The following FGF12 variants were observed in gnomAD, a reference collection of about 807,000 sequenced individuals.
The protein encoded by FGF12 is fibroblast growth factor 12.
A neutral mutation model predicts 23.6 loss-of-function variants in FGF12; 14 were observed. That is an observed-to-expected ratio of 0.59 (90% CI 0.39 to 0.93). FGF12 has a LOEUF of 0.93. Among genes scored for constraint, FGF12 ranks in the 40% least tolerant of loss-of-function variants. FGF12 has a pLI of 0.00. For synonymous variants in FGF12, 62 were observed against 77.3 expected (o/e 0.80, Z 1.04); for missense variants, 175 against 217.8 (o/e 0.80, Z 1.24).
Position 192,711,483 on chromosome 3 carries a change from A to G in FGF12, c.13+15698T>C, listed in dbSNP as rs564584400. ...TCATTGAGAACGGGCCATGATGAAGATGGCGGTTTTGTCGAATAGAAAAGG... is the reference window on the plus strand; with the variant it reads ...TCATTGAGAACGGGCCATGATGAAGGTGGCGGTTTTGTCGAATAGAAAAGG... On this transcript the variant is annotated intron_variant, in intron 2 of 5. Transcript: ENST00000445105. 2.0e-3 allele frequency among the ~76,000 whole-genome samples: 306 copies of G among 152,218 alleles called. 3 individuals carry two copies. The highest frequency in any genetic ancestry group is 7.0e-3 in the African/African-American group (292 of 41,564).
intron 4 of FGF12, among the ~76,000 whole-genome samples, chr3:192,246,855 AAGAG>A (rs778432144): frequency 1.1e-4 from 17 of 148,254 alleles, no homozygotes; most frequent in East Asian, 2.0e-4. Flanking sequence ...AGAGAGAGGA[AAGAG>A]AGAGAGAGAG....
At chr3:192,719,797 A>AG (rs1718982000) in intron 2 of FGF12, among the ~76,000 whole-genome samples, 1 of 141,874 alleles carries the variant, frequency 7.0e-6, no homozygotes, top group East Asian at 2.2e-4. Context: ...AAAAAAAAAA[A>AG]AAAAAAAGAA....
intron 2 of FGF12, among the ~76,000 whole-genome samples, chr3:192,493,886 T>C (rs1295360964): frequency 6.6e-6 from 1 of 152,080 alleles, no homozygotes; most frequent in African/African-American, 2.4e-5. Context: ...TAACCTGAGA[T>C]TTGGATGGGG....
intron 2 of FGF12, among the ~76,000 whole-genome samples, chr3:192,697,640 G>C (rs1282151730): frequency 1.3e-5 from 2 of 152,172 alleles, no homozygotes; most frequent in Non-Finnish European, 2.9e-5. Context: ...TCTGAGATTT[G>C]ACTGTGACAG....
At chr3:192,724,541 G>A (rs991424995) in intron 2 of FGF12, among the ~76,000 whole-genome samples, 32 of 152,220 alleles carry the variant, frequency 2.1e-4, no homozygotes, top group African/African-American at 7.7e-4. Flanking sequence ...CTTAAGATAC[G>A]CAAGGCACAA....
chr3:192,202,922 T>G (rs1434291872), intron 4 of FGF12, among the ~76,000 whole-genome samples: 1 of 152,220 alleles, frequency 6.6e-6, no homozygotes, highest in Non-Finnish European at 1.5e-5. Context: ...TTTCTATATT[T>G]CTAGTGCTTG....
At chr3:192,531,839 G>T (rs759863503) in intron 2 of FGF12, among the ~76,000 whole-genome samples, 1 of 152,134 alleles carries the variant, frequency 6.6e-6, no homozygotes, top group Non-Finnish European at 1.5e-5. Flanking sequence ...TAATCTGATG[G>T]CAGCTTATTT....
chr3:192,316,058 G>T (rs1390832978), intron 4 of FGF12, among the ~76,000 whole-genome samples: 1 of 152,124 alleles, frequency 6.6e-6, no homozygotes, highest in Non-Finnish European at 1.5e-5. Flanking sequence ...CCCATGTTTT[G>T]AACCAGACCT....
intron 2 of FGF12, among the ~76,000 whole-genome samples, chr3:192,416,410 T>C (rs1721353707): frequency 6.6e-6 from 1 of 152,142 alleles, no homozygotes; most frequent in Admixed American, 6.5e-5. Flanking sequence ...GAAGTTTATT[T>C]GCCTGTGAAA....
intron 2 of FGF12, among the ~76,000 whole-genome samples, chr3:192,503,651 G>C (rs1378644684): frequency 6.8e-6 from 1 of 147,892 alleles, no homozygotes; most frequent in African/African-American, 2.5e-5. Flanking sequence ...TGTCACCCAG[G>C]CTGGAGTGCA....
chr3:192,523,322 G>T (rs1724867742), intron 2 of FGF12, among the ~76,000 whole-genome samples: 1 of 152,192 alleles, frequency 6.6e-6, no homozygotes, highest in Non-Finnish European at 1.5e-5. Context: ...ATGAAGGGAT[G>T]CATGAGGAAA....
chr3:192,407,513 T>C (rs1055444930), intron 2 of FGF12, among the ~76,000 whole-genome samples: 3 of 151,716 alleles, frequency 2.0e-5, no homozygotes, highest in African/African-American at 7.3e-5. Context: ...GGAGGAAGAG[T>C]TGGAAAAATA....
chr3:192,304,183 T>G (rs1012818031), intron 4 of FGF12, among the ~76,000 whole-genome samples: 2 of 151,728 alleles, frequency 1.3e-5, no homozygotes. Flanking sequence ...CAATATTCTA[T>G]AGAACCCAAA....
At chr3:192,210,105 T>G (rs1275775988) in intron 4 of FGF12, among the ~76,000 whole-genome samples, 1 of 152,110 alleles carries the variant, frequency 6.6e-6, no homozygotes, top group Non-Finnish European at 1.5e-5. Context: ...TTGGGAAACA[T>G]GCAGTGTACA....
rs182152453 is a variant in FGF12 at position 192,584,398 on chromosome 3, C to T, written c.13+142783G>A. ...TAAGAATTTTTATCTAGTATATTAG[C>T]GATCCCTGTGGAAAACAGAGGCCCA... On this transcript the variant is annotated intron_variant, in intron 2 of 5. Transcript: ENST00000445105. Among the ~76,000 whole-genome samples, 202 of 151,868 alleles carry T rather than the reference C, an allele frequency of 1.3e-3. 1 individual carries two copies. Among genetic ancestry groups the T allele is most frequent in the African/African-American group, 4.5e-3 (188 of 41,402 alleles).
chr3:192,291,591 G>GA (rs879507951), intron 4 of FGF12, among the ~76,000 whole-genome samples: 67 of 143,432 alleles, frequency 4.7e-4, no homozygotes, highest in Non-Finnish European at 8.4e-4. Context: ...TTAAAAAAAA[G>GA]AAAAAAAAAA....
At chr3:192,317,252 AGTGGAG>A (rs1716274746) in intron 4 of FGF12, among the ~76,000 whole-genome samples, 1 of 151,966 alleles carries the variant, frequency 6.6e-6, no homozygotes, top group Admixed American at 6.6e-5. Context: ...CCTTGACCAC[AGTGGAG>A]TACAGCATCA....
chr3:192,370,065 G>T (rs1719154841), intron 2 of FGF12, among the ~76,000 whole-genome samples: 1 of 152,174 alleles, frequency 6.6e-6, no homozygotes, highest in African/African-American at 2.4e-5. Context: ...CAGGGACCAG[G>T]TATGTAGCTG....
chr3:192,493,869 T>A (rs990661946), intron 2 of FGF12, among the ~76,000 whole-genome samples: 1 of 152,078 alleles, frequency 6.6e-6, no homozygotes, highest in Non-Finnish European at 1.5e-5. Flanking sequence ...CACTGGGAAT[T>A]ACATTTTAAC....
Sources: allele counts gnomAD v4.1 joint callset (sites outside exome capture counted in the v4.1 genomes callset), GRCh38; gene constraint gnomAD v4.1.1; transcripts MANE v1.5; gene names NCBI Gene and HGNC (gene_info 2026-07-23, HGNC 2026-07-21).